Variants in CEP44 observed in about 807,000 individuals in gnomAD.
The protein encoded by CEP44 is centrosomal protein of 44 kDa.
In CEP44, 45 loss-of-function variants were observed where a neutral mutation model predicts 46.7. That is an observed-to-expected ratio of 0.96 (90% CI 0.76 to 1.24). The LOEUF is 1.24. CEP44 is among the 50% of genes most tolerant of loss of function. The pLI, the probability that CEP44 is intolerant of heterozygous loss-of-function variation, is 0.00. For synonymous variants in CEP44, 142 were observed against 146.0 expected (o/e 0.97, Z 0.20); for missense variants, 475 against 459.7 (o/e 1.03, Z -0.30).
At chr4:174,316,042 G>A (rs1741663996) in intron 9 of CEP44, 124 bp from the exon 10 acceptor site, 6 of 1,179,466 alleles carry the variant, frequency 5.1e-6, no homozygotes, top group Non-Finnish European at 7.1e-6. Flanking sequence ...AAAACTCTTT[G>A]ATCTATGCGG....
chr4:174,310,736 G>C lies in CEP44; in HGVS notation c.886-47G>C, dbSNP rs775632679. The C allele has an allele frequency of 3.5e-6, 3 of 854,450 alleles. No individual in the cohort carries two copies. Among genetic ancestry groups the C allele is most frequent in the Non-Finnish European group, 5.7e-6 (3 of 524,758 alleles). The allele number at this position is 854,450 out of a possible 1,614,324, so 52.9% of individuals were successfully genotyped here. A position where few individuals can be genotyped will look rare whatever the true frequency, so the allele number is the denominator to read the frequency against. On this transcript the variant is annotated intron_variant, in intron 8 of 11. Transcript: ENST00000503780. This position sits in a 1 kb window ranked among gnomAD's most constrained non-coding sequence, Gnocchi z 4.2. ...CAGCATTAAGAATATAAAATGAGAG[G>C]GTTTTTCTTTTTATTTCATTCTAAA...
At chr4:174,285,244 G>T (rs1474029584) in intron 1 of CEP44, among the ~76,000 whole-genome samples, 1 of 152,178 alleles carries the variant, frequency 6.6e-6, no homozygotes, top group Non-Finnish European at 1.5e-5. Flanking sequence ...TGAAAGTAAG[G>T]TGTTAAAATG....
Position 174,310,243 on chromosome 4 carries a change from A to G in CEP44, c.885+187A>G, listed in dbSNP as rs1205122933. ...TGTTGTGGCTGTTGTTTCTCTCTTCATTGAATAAGATAATCTGAAAAACTT... is the reference window on the plus strand; with the variant it reads ...TGTTGTGGCTGTTGTTTCTCTCTTCGTTGAATAAGATAATCTGAAAAACTT... On this transcript the variant is annotated intron_variant, in intron 8 of 11. Transcript: ENST00000503780. This position sits in a 1 kb window ranked among gnomAD's most constrained non-coding sequence, Gnocchi z 4.2. Among the ~76,000 whole-genome samples, 4 of 151,970 alleles carry G rather than the reference A, an allele frequency of 2.6e-5. No homozygotes were observed. The highest frequency in any genetic ancestry group is 2.6e-4 in the Admixed American group (4 of 15,236).
rs1741025140 is a variant in CEP44, at chr4:174,311,054, GTGAATAAATTTCAGTGTACAAAAT to G, written c.961+201_961+224del. On this transcript the variant is annotated intron_variant, in intron 9 of 11. Transcript: ENST00000503780. This position sits in a 1 kb window ranked among gnomAD's most constrained non-coding sequence, Gnocchi z 4.4. ...CTACTTATTTCACATAACATAGTGGGTGAATAAATTTCAGTGTACAAAATTGAAAATTTTTAGAGATATTTTACT... is the reference window on the plus strand; with the variant it reads ...CTACTTATTTCACATAACATAGTGGGTGAAAATTTTTAGAGATATTTTACT... Among the ~76,000 whole-genome samples, 2 of 151,954 alleles carry G rather than the reference GTGAATAAATTTCAGTGTACAAAAT, an allele frequency of 1.3e-5. No homozygotes were observed. Among genetic ancestry groups the G allele is most frequent in the Non-Finnish European group, 2.9e-5 (2 of 67,876 alleles).
At position 174,298,010 on chromosome 4, in the gene CEP44, G is replaced by A. The variant is rs1739254714; in HGVS notation, c.-103G>A. ...TTTGTGAACCTATCTTGCTTCAGTT[G>A]GTTTCCTCCTAAATATTAGGCAGAT... On this transcript the variant is annotated 5_prime_UTR_variant, in exon 2 of 12. Coordinates refer to ENST00000503780, the MANE Select transcript of CEP44 (RefSeq NM_001040157.3). 1 of 152,120 alleles carries A rather than the reference G, an allele frequency of 6.6e-6. No individual in the cohort carries two copies. The allele number at this position is 152,120 out of a possible 1,614,324, so 9.4% of individuals were successfully genotyped here. A position where few individuals can be genotyped will look rare whatever the true frequency, so the allele number is the denominator to read the frequency against.
At chr4:174,305,751 T>G (rs1053784409) in intron 6 of CEP44, among the ~76,000 whole-genome samples, 1 of 152,194 alleles carries the variant, frequency 6.6e-6, no homozygotes, top group African/African-American at 2.4e-5. Context: ...TTATACTGAT[T>G]TTTTGTACCT....
chr4:174,317,835 A>C lies in CEP44; in HGVS notation c.*452A>C, dbSNP rs1161385138. The stretch of plus-strand genomic sequence containing the variant: ...TACTGATGAATAAGTTATAATGAAC[A>C]GTTAAAAATGCTCATTGAAAATTAA... On this transcript the variant is annotated 3_prime_UTR_variant, in exon 12 of 12. Coordinates refer to ENST00000503780, the MANE Select transcript of CEP44 (RefSeq NM_001040157.3). The C allele has an allele frequency of 1.0e-6, 1 of 985,800 alleles. No individual in the cohort carries two copies. Among genetic ancestry groups the C allele is most frequent in the Non-Finnish European group, 1.2e-6 (1 of 829,980 alleles). The allele number at this position is 985,800 out of a possible 1,614,324, so 61.1% of individuals were successfully genotyped here.
At position 174,303,761 on chromosome 4, in the gene CEP44, G is replaced by A. The variant is rs754154372; in HGVS notation, c.296G>A (p.Cys99Tyr). 5 of 1,568,694 alleles carry A rather than the reference G, an allele frequency of 3.2e-6. No homozygotes were observed. The African/African-American group carries it at 4.0e-5, about 13-fold the overall frequency. Residue 99 changes from cysteine (C) to tyrosine (Y), a missense_variant, in exon 5 of 12, where the codon TGT (cysteine) becomes TAT (tyrosine). By Grantham distance (194) the Cys-to-Tyr change is radical. Transcript: ENST00000503780. ...TTGACAAAAAAGCAGTTTATCCAAT[G>A]TGGGTTTGCAGAATGGAAAATCCAA... ...PILTKKQFIQCGFAEWKIQIV... is the reference protein window; with the variant it reads ...PILTKKQFIQYGFAEWKIQIV...
rs1363876443 is a variant in CEP44, at chr4:174,319,716, ACT to A, written c.*2338_*2339del. 8.1e-6 allele frequency: 7 copies of A among 867,176 alleles called. No homozygotes were observed. Among genetic ancestry groups the A allele is most frequent in the African/African-American group, 1.8e-5 (1 of 55,398 alleles). The allele number at this position is 867,176 out of a possible 1,614,324, so 53.7% of individuals were successfully genotyped here. A position where few individuals can be genotyped will look rare whatever the true frequency, so the allele number is the denominator to read the frequency against. Reference sequence around the variant, plus strand: ...TTAAACTTTAATAACTTGTCTAACAACTCTCTAATAGGGACTAAAAATCAACT... The same window carrying A: ...TTAAACTTTAATAACTTGTCTAACAACTCTAATAGGGACTAAAAATCAACT... On this transcript the variant is annotated 3_prime_UTR_variant, in exon 12 of 12. Coordinates refer to ENST00000503780, the MANE Select transcript of CEP44 (RefSeq NM_001040157.3).
At chr4:174,313,607 A>C (rs1270032249) in intron 9 of CEP44, among the ~76,000 whole-genome samples, 1 of 152,230 alleles carries the variant, frequency 6.6e-6, no homozygotes, top group Non-Finnish European at 1.5e-5. Context: ...TTGTTAGGAA[A>C]GTAAGATAGG....
chr4:174,314,565 C>A lies in CEP44; in HGVS notation c.962-1601C>A, dbSNP rs1415099565. Among the ~76,000 whole-genome samples the A allele has an allele frequency of 6.6e-6, 1 of 152,058 alleles. No individual in the cohort carries two copies. Among genetic ancestry groups the A allele is most frequent in the Non-Finnish European group, 1.5e-5 (1 of 68,002 alleles). On this transcript the variant is annotated intron_variant, in intron 9 of 11. Coordinates refer to ENST00000503780, the MANE Select transcript of CEP44 (RefSeq NM_001040157.3). This position sits in a 1 kb window ranked among gnomAD's most constrained non-coding sequence, Gnocchi z 4.1. ...AGGTTAGACACCGCAAAGTCTGGACCCCAAAATGGAAGACAAAGAGAGCCA... is the reference window on the plus strand; with the variant it reads ...AGGTTAGACACCGCAAAGTCTGGACACCAAAATGGAAGACAAAGAGAGCCA...
chr4:174,293,925 T>A (rs1319154306), intron 1 of CEP44, among the ~76,000 whole-genome samples: 1 of 151,956 alleles, frequency 6.6e-6, no homozygotes, highest in Non-Finnish European at 1.5e-5. Flanking sequence ...TAGCTGTTGG[T>A]TTTTTTTGTA....
rs2126585908 is a variant in CEP44 at position 174,301,626 on chromosome 4, A to G, written c.90-413A>G. Among the ~76,000 whole-genome samples the G allele has an allele frequency of 6.6e-6, 1 of 152,304 alleles. No individual in the cohort carries two copies. Among genetic ancestry groups the G allele is most frequent in the Non-Finnish European group, 1.5e-5 (1 of 68,004 alleles). On this transcript the variant is annotated intron_variant, in intron 3 of 11. Transcript: ENST00000503780. The surrounding 1 kb of genome is among the most constrained non-coding windows in gnomAD (Gnocchi z 4.3). Reference sequence around the variant, plus strand: ...TCATCTGTAACTTAGAATTCATAATATTTACCTTTGGAAGTTTGTGGTAGA... The same window carrying G: ...TCATCTGTAACTTAGAATTCATAATGTTTACCTTTGGAAGTTTGTGGTAGA...
chr4:174,294,921 G>C (rs1284812398), intron 1 of CEP44, among the ~76,000 whole-genome samples: 3 of 141,660 alleles, frequency 2.1e-5, no homozygotes, highest in Admixed American at 6.9e-5. Context: ...CTTCCCGGTA[G>C]GGGCGGCCAG....
At chr4:174,308,925 G>A (rs1378207561) in intron 7 of CEP44, 66 bp downstream of exon 7, 2 of 1,357,380 alleles carry the variant, frequency 1.5e-6, no homozygotes, top group Admixed American at 2.0e-5. Context: ...AATTATTTCA[G>A]CCTCTAAACT....
rs2126709774 is a variant in CEP44, at chr4:174,331,497, A to C, written c.1102A>C (p.Ser368Arg). Residue 368 changes from serine (S) to arginine (R), a missense_variant, in exon 9 of 9, where the codon AGT becomes CGT. Ser to Arg is a moderately radical substitution (Grantham distance 110). Transcript: ENST00000426172. This position sits in a 1 kb window ranked among gnomAD's most constrained non-coding sequence, Gnocchi z 4.5. ...TCCTTTCTAGAATTTTCCTGCATGG[A>C]GTGCTACATCCTCTTGTTCCAGTCT... 2 of 1,551,454 alleles carry C rather than the reference A, an allele frequency of 1.3e-6. No individual in the cohort carries two copies. The highest frequency in any genetic ancestry group is 1.2e-5 in the South Asian group (1 of 84,050).
rs924852037 is a variant in CEP44 at position 174,331,250 on chromosome 4, A to C, written c.1087-232A>C. 6.6e-6 allele frequency among the ~76,000 whole-genome samples: 1 copy of C among 152,130 alleles called. No homozygotes were observed. Among genetic ancestry groups the C allele is most frequent in the Non-Finnish European group, 1.5e-5 (1 of 68,024 alleles). ...CTCCTCACCAATGAGAAAAAAAAAA[A>C]AACTCTGAACATTTAGCTGTTTATT... On this transcript the variant is annotated intron_variant, in intron 8 of 8. Transcript: ENST00000426172. The surrounding 1 kb of genome is among the most constrained non-coding windows in gnomAD (Gnocchi z 4.5).
intron 1 of CEP44, among the ~76,000 whole-genome samples, chr4:174,294,700 G>C (rs1738662450): frequency 6.7e-6 from 1 of 149,486 alleles, no homozygotes; most frequent in African/African-American, 2.5e-5. Context: ...CTCCCGGAAG[G>C]GGTGGCTGGC....
Position 174,326,560 on chromosome 4 carries a change from C to A in CEP44, c.1087-4922C>A, listed in dbSNP as rs116119031. ...AAGGTTTAAATAATTTTTTAAAAGTCTTTTATATGTGCCAACCTATTTACC... is the reference window on the plus strand; with the variant it reads ...AAGGTTTAAATAATTTTTTAAAAGTATTTTATATGTGCCAACCTATTTACC... On this transcript the variant is annotated intron_variant, in intron 8 of 8. Transcript: ENST00000426172. The surrounding 1 kb of genome is among the most constrained non-coding windows in gnomAD (Gnocchi z 4.8). 6.5e-3 allele frequency among the ~76,000 whole-genome samples: 982 copies of A among 151,960 alleles called. 4 individuals carry two copies. Among genetic ancestry groups the A allele is most frequent in the Non-Finnish European group, 8.1e-3 (553 of 67,876 alleles).
Sources: allele counts gnomAD v4.1 joint callset (sites outside exome capture counted in the v4.1 genomes callset), GRCh38; gene constraint gnomAD v4.1.1; non-coding constraint Gnocchi (gnomAD v3.1); transcripts MANE v1.5; gene names NCBI Gene and HGNC (gene_info 2026-07-23, HGNC 2026-07-21).